Variants in SLC6A4 observed in about 807,000 individuals in gnomAD.
SLC6A4 encodes sodium-dependent serotonin transporter.
A neutral mutation model predicts 73.4 loss-of-function variants in SLC6A4; 22 were observed. The ratio of observed to expected loss-of-function variants is 0.30; its 90% CI spans 0.21 to 0.43. The LOEUF is 0.43. Ranked by LOEUF, SLC6A4 falls within the 20% of genes least tolerant of loss-of-function variation. The probability of loss-of-function intolerance (pLI) is 1.00; values close to 1 mark genes in which losing one functional copy is unlikely to be tolerated. For missense variants in SLC6A4, 593 were observed against 808.5 expected (o/e 0.73, Z 3.23); for synonymous variants, 270 against 315.5 (o/e 0.86, Z 1.53).
Position 30,211,228 on chromosome 17 carries a change from G to T in SLC6A4, c.1317+84C>A, listed in dbSNP as rs935443827. 6.7e-6 allele frequency: 6 copies of T among 901,942 alleles called. No homozygotes were observed. Among genetic ancestry groups the T allele is most frequent in the East Asian group, 2.5e-5 (1 of 40,382 alleles). The allele number at this position is 901,942 out of a possible 1,614,324, so 55.9% of individuals were successfully genotyped here. On this transcript the variant is annotated intron_variant, in intron 10 of 14. Transcript: ENST00000650711. The surrounding 1 kb of genome is among the most constrained non-coding windows in gnomAD (Gnocchi z 4.0). ...GCCAAAGCTGCCTGGGATGGCCAGG[G>T]ATGGGAGGGAATTGAGTCCAGCTGA...
chr17:30,221,825 T>G lies in SLC6A4; in HGVS notation c.134A>C (p.Asn45Thr). 1 of 1,614,184 alleles carries G rather than the reference T, an allele frequency of 6.2e-7. No individual in the cohort carries two copies. Among genetic ancestry groups the G allele is most frequent in the Non-Finnish European group, 8.5e-7 (1 of 1,180,020 alleles). ...GDKVESGQISNGYSAVPSPGA... is the reference protein window; with the variant it reads ...GDKVESGQISTGYSAVPSPGA... ...AGGACTTGGAACTGCTGAGTACCCA[T>G]TGGATATTTGCCCGGACTCCACTTT... The change falls in exon 3 of 15, where the codon AAT becomes ACT. Residue 45 changes from asparagine (N) to threonine (T), a missense_variant. Asn to Thr is a moderately conservative substitution (Grantham distance 65). Coordinates refer to ENST00000650711, the MANE Select transcript of SLC6A4 (RefSeq NM_001045.6).
intron 8 of SLC6A4, 117 bp downstream of exon 8, chr17:30,215,494 G>A (rs1906543962): frequency 1.2e-6 from 1 of 803,820 alleles, no homozygotes. Flanking sequence ...AGGGGCAGTG[G>A]TATCAAGGCC....
intron 1 of SLC6A4, among the ~76,000 whole-genome samples, chr17:30,226,084 G>A (rs1906916732): frequency 6.6e-6 from 1 of 152,208 alleles, no homozygotes; most frequent in Non-Finnish European, 1.5e-5. Flanking sequence ...CTACAGAAAT[G>A]TTGAACTTTG....
chr17:30,222,219 G>T (rs1906789200), intron 2 of SLC6A4, 138 bp from the exon 3 acceptor site: 1 of 558,678 alleles, frequency 1.8e-6, no homozygotes, highest in Non-Finnish European at 3.2e-6. Flanking sequence ...CATCCTATTT[G>T]CTACATGGCA....
intron 14 of SLC6A4, 139 bp from the exon 15 acceptor site, chr17:30,198,669 A>G: frequency 1.8e-6 from 1 of 545,804 alleles, no homozygotes; most frequent in Non-Finnish European, 3.3e-6. Flanking sequence ...TCTCACTGAC[A>G]TTCCTTAGGA....
chr17:30,232,983 T>C (rs1372289908), intron 1 of SLC6A4, among the ~76,000 whole-genome samples: 2 of 152,186 alleles, frequency 1.3e-5, no homozygotes, highest in Non-Finnish European at 2.9e-5. Flanking sequence ...TCAGGGAAGA[T>C]CATTGATGCC....
At chr17:30,229,761 C>T (rs914856985) in intron 1 of SLC6A4, among the ~76,000 whole-genome samples, 5 of 151,846 alleles carry the variant, frequency 3.3e-5, no homozygotes, top group African/African-American at 1.2e-4. Context: ...TGTCACATGC[C>T]TGTAATCCCA....
chr17:30,210,286 C>A (rs894907377), intron 11 of SLC6A4, among the ~76,000 whole-genome samples: 40 of 152,064 alleles, frequency 2.6e-4, no homozygotes, highest in African/African-American at 8.7e-4. Flanking sequence ...GTGGGATCTG[C>A]GGTAAAATGC....
rs201977167 is a variant in SLC6A4 at position 30,198,097 on chromosome 17, A to G, written c.*359T>C. ...GTGAAACCTTTAGAAGCAAACAGAT[A>G]TCAGATACCAATGATCATACCAAGA... is the stretch of plus-strand genomic sequence containing the variant. On this transcript the variant is annotated 3_prime_UTR_variant, in exon 15 of 15. Coordinates refer to ENST00000650711, the MANE Select transcript of SLC6A4 (RefSeq NM_001045.6). 3.6e-5 allele frequency: 8 copies of G among 219,872 alleles called. No individual in the cohort carries two copies. The highest frequency in any genetic ancestry group is 7.1e-5 in the Non-Finnish European group (8 of 112,286). 13.6% of individuals were successfully genotyped at this position (219,872 alleles called of 1,614,324 possible).
At chr17:30,227,889 CT>C (rs1437114203) in intron 1 of SLC6A4, among the ~76,000 whole-genome samples, 2 of 152,222 alleles carry the variant, frequency 1.3e-5, no homozygotes, top group African/African-American at 4.8e-5. Context: ...AGAACTTTCC[CT>C]GCCTGGGAGA....
intron 13 of SLC6A4, chr17:30,206,215 C>T (rs2143013730): frequency 7.2e-6 from 1 of 138,996 alleles, no homozygotes; most frequent in Non-Finnish European, 1.5e-5. Context: ...AAGGAAGAAT[C>T]TAACAACATT....
chr17:30,199,339 T>C (rs916754178), intron 14 of SLC6A4, among the ~76,000 whole-genome samples: 4 of 151,746 alleles, frequency 2.6e-5, no homozygotes, highest in African/African-American at 7.3e-5. Context: ...ACAGCCACAC[T>C]GCAGAGGCTT....
Position 30,222,911 on chromosome 17 carries a change from G to A in SLC6A4, c.-216C>T, listed in dbSNP as rs1906814435. 5 of 1,078,848 alleles carry A rather than the reference G, an allele frequency of 4.6e-6. No homozygotes were observed. Among genetic ancestry groups the A allele is most frequent in the Admixed American group, 2.3e-5 (1 of 43,290 alleles). The allele number at this position is 1,078,848 out of a possible 1,614,324, so 66.8% of individuals were successfully genotyped here. A position where few individuals can be genotyped will look rare whatever the true frequency, so the allele number is the denominator to read the frequency against. On this transcript the variant is annotated 5_prime_UTR_variant, in exon 2 of 15. Coordinates refer to ENST00000650711, the MANE Select transcript of SLC6A4 (RefSeq NM_001045.6). ...GCAAGCAAGGTCGCCTTGCCTCCAG[G>A]AGACCTAGGGAGAAGAGTGTGCAGG...
intron 1 of SLC6A4, 47 bp from the exon 2 acceptor site, chr17:30,222,962 C>T (rs2020940): frequency 1.3e-4 from 81 of 601,648 alleles, no homozygotes; most frequent in African/African-American, 1.3e-3. Flanking sequence ...TGGTTGGTGT[C>T]GCCGTCCCCC....
chr17:30,194,569 C>G lies in SLC6A4; in HGVS notation c.*3887G>C, dbSNP rs1490176503. On this transcript the variant is annotated 3_prime_UTR_variant, in exon 15 of 15. Transcript: ENST00000650711. ...CATTCACAAAATAACTGTAAATTCC[C>G]CAATTTTATCTTTTAAAATATGAAT... The G allele has an allele frequency of 6.6e-6, 1 of 151,954 alleles. No individual in the cohort carries two copies. Among genetic ancestry groups the G allele is most frequent in the Non-Finnish European group, 1.5e-5 (1 of 67,990 alleles). 9.4% of individuals were successfully genotyped at this position (151,954 alleles called of 1,614,324 possible).
Position 30,203,359 on chromosome 17 carries a change from A to G in SLC6A4, c.1651-20T>C, listed in dbSNP as rs370256248. 9.3e-6 allele frequency: 15 copies of G among 1,606,640 alleles called. No homozygotes were observed. The African/African-American group carries it at 1.9e-4, about 20-fold the overall frequency. On this transcript the variant is annotated intron_variant, in intron 13 of 14. Transcript: ENST00000650711. ...GATGAACTAAAACAGAAATTCCAAG[A>G]AACATTAAAAACCTTAACAATATCC...
At chr17:30,218,020 G>A (rs1443664449) in intron 5 of SLC6A4, 98 bp downstream of exon 5, 3 of 872,658 alleles carry the variant, frequency 3.4e-6, no homozygotes, top group Admixed American at 4.1e-5. Flanking sequence ...CTCAGAAAGG[G>A]GTGAGGAGCC....
rs943636765 is a variant in SLC6A4, at chr17:30,196,235, C to A, written c.*2221G>T. On this transcript the variant is annotated 3_prime_UTR_variant, in exon 15 of 15. Coordinates refer to ENST00000650711, the MANE Select transcript of SLC6A4 (RefSeq NM_001045.6). Reference sequence around the variant, plus strand: ...AATGCTACATATAGATATAAAAGGTCTTTAAAATATTATTTTAAAATCCAC... The same window carrying A: ...AATGCTACATATAGATATAAAAGGTATTTAAAATATTATTTTAAAATCCAC... 2.0e-5 allele frequency: 3 copies of A among 150,880 alleles called. No homozygotes were observed. The highest frequency in any genetic ancestry group is 7.3e-5 in the African/African-American group (3 of 41,006). The allele number at this position is 150,880 out of a possible 1,614,324, so 9.3% of individuals were successfully genotyped here. A position where few individuals can be genotyped will look rare whatever the true frequency, so the allele number is the denominator to read the frequency against.
chr17:30,217,241 C>T lies in SLC6A4; in HGVS notation c.762G>A (p.Gln254=). The T allele has an allele frequency of 6.2e-7, 1 of 1,614,138 alleles. No individual in the cohort carries two copies. Among genetic ancestry groups the T allele is most frequent in the Non-Finnish European group, 8.5e-7 (1 of 1,179,954 alleles). Residue 254 remains glutamine, a synonymous_variant, in exon 6 of 15, where the codon CAG becomes CAA. Transcript: ENST00000650711. ...AGATCAGCATGATGCAGAGGGCCAG[C>T]TGCCAGCTGATGCCCCCCAGGTCCT... ...GLQDLGGISW[Q]LALCIMLIFT... is the part of the protein sequence containing the mutation.
Sources: gnomAD v4.1 joint callset for allele counts (sites outside exome capture counted in the v4.1 genomes callset) on GRCh38, gnomAD v4.1.1 for gene constraint, Gnocchi (gnomAD v3.1) non-coding constraint, MANE v1.5 for transcripts, NCBI Gene and HGNC (gene_info 2026-07-23, HGNC 2026-07-21) for gene names.